Variants in CCN4 observed in about 807,000 individuals in gnomAD.
CCN4 encodes the protein cellular communication network factor 4.
In CCN4, 30 loss-of-function variants were observed where a neutral mutation model predicts 36.7. The observed-to-expected ratio is 0.82, with a 90% CI of 0.61 to 1.11. The LOEUF is 1.11. CCN4 is among the 50% of genes least tolerant of loss of function. The pLI is 0.00. For missense variants in CCN4, 505 were observed against 504.9 expected (o/e 1.00, Z 0.00); for synonymous variants, 191 against 195.4 (o/e 0.98, Z 0.19).
intron 1 of CCN4, among the ~76,000 whole-genome samples, chr8:133,211,756 C>T (rs1050028739): frequency 2.0e-5 from 3 of 152,192 alleles, no homozygotes; most frequent in African/African-American, 4.8e-5. Flanking sequence ...AAGTGCTGGG[C>T]AGGATGATCC....
rs1854708910 is a variant in CCN4, at chr8:133,225,696, C to T, written c.804+113C>T. 7 of 1,113,176 alleles carry T rather than the reference C, an allele frequency of 6.3e-6. No homozygotes were observed. In the East Asian group the frequency reaches 1.8e-4, roughly 29 times the overall value. The allele number at this position is 1,113,176 out of a possible 1,614,324, so 69.0% of individuals were successfully genotyped here. On this transcript the variant is annotated intron_variant, in intron 4 of 4. Coordinates refer to ENST00000250160, the MANE Select transcript of CCN4 (RefSeq NM_003882.4). ...CATTTGTAAAGTGGGAATAGTTAAG[C>T]TCACCTGGTAGGTCTGGTGTAACAG...
intron 1 of CCN4, among the ~76,000 whole-genome samples, chr8:133,192,604 A>G (rs1470107279): frequency 6.6e-6 from 1 of 152,254 alleles, no homozygotes; most frequent in Non-Finnish European, 1.5e-5. Context: ...ACTGTGTCCT[A>G]CAGGAGTGCC....
rs190077114 is a variant in CCN4, at chr8:133,202,434, A to T, written c.70-10430A>T. 2.7e-3 allele frequency among the ~76,000 whole-genome samples: 416 copies of T among 152,308 alleles called. 1 individual carries two copies. The highest frequency in any genetic ancestry group is 9.3e-3 in the African/African-American group (387 of 41,560). On this transcript the variant is annotated intron_variant, in intron 1 of 4. Transcript: ENST00000250160. ...GGCCACTGCATGTGGGACTTAGTAGATGCTTTATATACAGATTGACAAATG... is the reference window on the plus strand; with the variant it reads ...GGCCACTGCATGTGGGACTTAGTAGTTGCTTTATATACAGATTGACAAATG...
At chr8:133,213,270 C>A (rs1588195678) in intron 2 of CCN4, 127 bp downstream of exon 2, 1 of 1,197,732 alleles carries the variant, frequency 8.3e-7, no homozygotes, top group East Asian at 2.4e-5. Context: ...GAGATACACC[C>A]CATGATCAGA....
chr8:133,223,639 T>TCA lies in CCN4; in HGVS notation c.611-1750_611-1749insAC, dbSNP rs945319029. On this transcript the variant is annotated intron_variant, in intron 3 of 4. Coordinates refer to ENST00000250160, the MANE Select transcript of CCN4 (RefSeq NM_003882.4). ...TACCTTCCTCCTGTTTCTTTCTCTCTCTCACACACACACACGCTTTTTCTC... is the reference window on the plus strand; with the variant it reads ...TACCTTCCTCCTGTTTCTTTCTCTCTCACTCACACACACACACGCTTTTTCTC... 2.4e-4 allele frequency among the ~76,000 whole-genome samples: 35 copies of TCA among 145,002 alleles called. No individual in the cohort carries two copies. In the East Asian group the frequency reaches 5.6e-3, roughly 23 times the overall value.
At chr8:133,195,210 G>A (rs1307709484) in intron 1 of CCN4, among the ~76,000 whole-genome samples, 1 of 146,038 alleles carries the variant, frequency 6.8e-6, no homozygotes, top group African/African-American at 2.5e-5. Context: ...TGTGTGTATG[G>A]TGTGTGTATG....
rs887922775 is a variant in CCN4, at chr8:133,230,950, AC to A, written c.*3242del. On this transcript the variant is annotated 3_prime_UTR_variant, in exon 5 of 5. Transcript: ENST00000250160. ...GGTCTTACCAGCTAGTGAACAGCAG[AC>A]CAAGACTGGAAACCCAGGATAGTCT... The A allele has an allele frequency of 2.0e-5, 3 of 152,210 alleles. No individual in the cohort carries two copies. The highest frequency in any genetic ancestry group is 7.2e-5 in the African/African-American group (3 of 41,444). The allele number at this position is 152,210 out of a possible 1,614,324, so 9.4% of individuals were successfully genotyped here.
At chr8:133,213,187 C>T (rs1359040601) in intron 2 of CCN4, 44 bp downstream of exon 2, 13 of 1,562,220 alleles carry the variant, frequency 8.3e-6, no homozygotes, top group Middle Eastern at 3.4e-4. Context: ...CTGAGCACCC[C>T]CAGCTCTGGC....
intron 1 of CCN4, among the ~76,000 whole-genome samples, chr8:133,193,401 C>A (rs1319488698): frequency 2.0e-5 from 3 of 152,108 alleles, no homozygotes; most frequent in Non-Finnish European, 4.4e-5. Flanking sequence ...GGAGATCAGC[C>A]AAGGAGGAAG....
Position 133,191,184 on chromosome 8 carries a change from G to A in CCN4, c.40G>A (p.Ala14Thr), listed in dbSNP as rs780947414. Residue 14 changes from alanine (A) to threonine (T), a missense_variant, in exon 1 of 5, where the codon GCA becomes ACA. Ala to Thr is a moderately conservative substitution (Grantham distance 58, BLOSUM62 0). Coordinates refer to ENST00000250160, the MANE Select transcript of CCN4 (RefSeq NM_003882.4). ...FLPWTLAAVT[A>T]AAASTVLATA... is the part of the protein sequence containing the mutation. Reference sequence around the variant, plus strand: ...GCCCTGGACGCTGGCAGCAGTGACAGCAGCAGCCGCCAGCACCGTCCTGGC... The same window carrying A: ...GCCCTGGACGCTGGCAGCAGTGACAACAGCAGCCGCCAGCACCGTCCTGGC... 3.7e-6 allele frequency: 6 copies of A among 1,605,194 alleles called. No individual in the cohort carries two copies. The South Asian group carries it at 5.5e-5, about 15-fold the overall frequency.
Position 133,227,416 on chromosome 8 carries a change from G to A in CCN4, c.810G>A (p.Gly270=), listed in dbSNP as rs774975634. 1 of 1,608,654 alleles carries A rather than the reference G, an allele frequency of 6.2e-7. No homozygotes were observed. Among genetic ancestry groups the A allele is most frequent in the Non-Finnish European group, 8.5e-7 (1 of 1,176,228 alleles). The change falls in exon 5 of 5, where the codon GGG becomes GGA. Residue 270 remains glycine (G), a synonymous_variant. Coordinates refer to ENST00000250160, the MANE Select transcript of CCN4 (RefSeq NM_003882.4). ...DVDIHTLIKA[G]KKCLAVYQPE... ...GCTCCTTTCCTTTCCTTCAGGCAGGGAAGAAGTGTCTGGCTGTGTACCAGC... is the reference window on the plus strand; with the variant it reads ...GCTCCTTTCCTTTCCTTCAGGCAGGAAAGAAGTGTCTGGCTGTGTACCAGC...
At chr8:133,197,522 C>A (rs1853432317) in intron 1 of CCN4, among the ~76,000 whole-genome samples, 1 of 152,030 alleles carries the variant, frequency 6.6e-6, no homozygotes, top group South Asian at 2.1e-4. Context: ...ACTCTAGTCT[C>A]CCCCCCAGCT....
intron 1 of CCN4, among the ~76,000 whole-genome samples, chr8:133,200,618 C>T (rs1240764613): frequency 6.6e-6 from 1 of 152,200 alleles, no homozygotes; most frequent in Non-Finnish European, 1.5e-5. Flanking sequence ...AGGATAGGAC[C>T]TGGAGTCAAA....
intron 1 of CCN4, among the ~76,000 whole-genome samples, chr8:133,210,059 G>C (rs550321112): frequency 6.6e-6 from 1 of 152,324 alleles, no homozygotes; most frequent in East Asian, 1.9e-4. Context: ...AAATATCATA[G>C]ATATCCAAGC....
intron 1 of CCN4, among the ~76,000 whole-genome samples, chr8:133,204,011 A>T (rs1853678359): frequency 6.6e-6 from 1 of 152,202 alleles, no homozygotes; most frequent in Non-Finnish European, 1.5e-5. Flanking sequence ...CATGTGAAAC[A>T]TTTCCTCCAG....
chr8:133,211,338 G>A (rs1377905162), intron 1 of CCN4, among the ~76,000 whole-genome samples: 1 of 152,170 alleles, frequency 6.6e-6, no homozygotes, highest in African/African-American at 2.4e-5. Context: ...GACTTTTAAC[G>A]CTTATCTTCA....
intron 4 of CCN4, among the ~76,000 whole-genome samples, chr8:133,226,390 T>C (rs1854736266): frequency 6.6e-6 from 1 of 152,236 alleles, no homozygotes; most frequent in Non-Finnish European, 1.5e-5. Context: ...ACATCACTCC[T>C]CATCCCCTAG....
At chr8:133,193,087 T>C (rs927945583) in intron 1 of CCN4, among the ~76,000 whole-genome samples, 3 of 152,198 alleles carry the variant, frequency 2.0e-5, no homozygotes, top group Non-Finnish European at 2.9e-5. Flanking sequence ...CCCCGCCCCC[T>C]GTGTGGGCTG....
rs1854804588 is a variant in CCN4 at position 133,227,869 on chromosome 8, G to T, written c.*159G>T. ...CATTCAAATGACGCCTGATGGTGCT[G>T]CTCAGGCCCATGCTATGAGTTTTCT... On this transcript the variant is annotated 3_prime_UTR_variant, in exon 5 of 5. Transcript: ENST00000250160. 2 of 774,230 alleles carry T rather than the reference G, an allele frequency of 2.6e-6. No homozygotes were observed. Among genetic ancestry groups the T allele is most frequent in the Admixed American group, 5.9e-5 (2 of 33,950 alleles). The allele number at this position is 774,230 out of a possible 1,614,324, so 48.0% of individuals were successfully genotyped here. A position where few individuals can be genotyped will look rare whatever the true frequency, so the allele number is the denominator to read the frequency against.
Sources: allele counts gnomAD v4.1 joint callset (sites outside exome capture counted in the v4.1 genomes callset), GRCh38; gene constraint gnomAD v4.1.1; transcripts MANE v1.5; gene names NCBI Gene and HGNC (gene_info 2026-07-23, HGNC 2026-07-21).